Variants in MIS18A observed in about 807,000 individuals in gnomAD.
The protein encoded by MIS18A is protein Mis18-alpha.
A neutral mutation model predicts 25.0 loss-of-function variants in MIS18A; 14 were observed. The observed-to-expected ratio is 0.56, with a 90% CI of 0.37 to 0.88. The LOEUF is 0.88. MIS18A is among the 40% of genes least tolerant of loss of function. The pLI, the probability that MIS18A is intolerant of heterozygous loss-of-function variation, is 0.00. For missense variants in MIS18A, 292 were observed against 290.8 expected, an observed-to-expected ratio of 1.00 and a Z score of -0.03; for synonymous variants, 134 against 118.6, an observed-to-expected ratio of 1.13 and a Z score of -0.84.
chr21:32,174,478 C>A, the MIS18A span, among the ~76,000 whole-genome samples: 1 of 152,160 alleles, frequency 6.6e-6, no homozygotes. Context: ...CATATGTTTA[C>A]CTATGTAGCA....
chr21:32,269,531 T>C, intron 4 of MIS18A, 176 bp downstream of exon 4: 1 of 543,954 alleles, frequency 1.8e-6, no homozygotes, highest in East Asian at 3.1e-5. Flanking sequence ...TTTTGTTGAT[T>C]AAGCTTTAGC....
chr21:32,257,133 C>T, the MIS18A span, among the ~76,000 whole-genome samples: 4 of 152,156 alleles, frequency 2.6e-5, no homozygotes, highest in African/African-American at 7.2e-5. Flanking sequence ...ACTTAAGTTT[C>T]GACTGGTTAT....
chr21:32,188,583 G>A, the MIS18A span, among the ~76,000 whole-genome samples: 1 of 152,216 alleles, frequency 6.6e-6, no homozygotes, highest in Non-Finnish European at 1.5e-5. Context: ...TTCCCTTAGT[G>A]AATATTTGTT....
At position 32,278,969 on chromosome 21, in the gene MIS18A, C is replaced by T; in HGVS notation, c.46G>A (p.Gly16Ser). ...SLRCSRGCAG[G>S]CECGDKGKCS... ...TTGCCCTTGTCGCCGCACTCACAGC[C>T]GCCAGCGCATCCTCTGCTACACCTC... Residue 16 changes from glycine to serine, a missense_variant, in exon 1 of 5, where the codon GGC becomes AGC. Coordinates refer to ENST00000290130, the MANE Select transcript of MIS18A (RefSeq NM_018944.3). 6.2e-7 allele frequency: 1 copy of T among 1,611,934 alleles called. No individual in the cohort carries two copies. Among genetic ancestry groups the T allele is most frequent in the Non-Finnish European group, 8.5e-7 (1 of 1,179,948 alleles).
At chr21:32,217,921 C>T in the MIS18A span, among the ~76,000 whole-genome samples, 4 of 152,066 alleles carry the variant, frequency 2.6e-5, no homozygotes, top group Non-Finnish European at 4.4e-5. Flanking sequence ...AAGCTGGGTG[C>T]AGTGGCTCAC....
At chr21:32,242,778 G>A in the MIS18A span, among the ~76,000 whole-genome samples, 1 of 152,228 alleles carries the variant, frequency 6.6e-6, no homozygotes, top group Non-Finnish European at 1.5e-5. Flanking sequence ...GGACTCTGAT[G>A]GATGGACAGG....
chr21:32,163,997 G>C, the MIS18A span, among the ~76,000 whole-genome samples: 1 of 152,036 alleles, frequency 6.6e-6, no homozygotes, highest in Non-Finnish European at 1.5e-5. Context: ...GAGAAGAGGC[G>C]AGAGAGAGGA....
the MIS18A span, among the ~76,000 whole-genome samples, chr21:32,241,950 C>T: frequency 6.6e-6 from 1 of 152,208 alleles, no homozygotes; most frequent in Non-Finnish European, 1.5e-5. Flanking sequence ...GCCATCTCGG[C>T]TCACTGCAAG....
chr21:32,160,285 AACAC>A, the MIS18A span, among the ~76,000 whole-genome samples: 1,034 of 145,666 alleles, frequency 7.1e-3, 6 homozygotes, highest in Middle Eastern at 0.029. Flanking sequence ...ACACCTCTGC[AACAC>A]ACACACACAC....
chr21:32,243,255 C>A, the MIS18A span, among the ~76,000 whole-genome samples: 1 of 152,076 alleles, frequency 6.6e-6, no homozygotes, highest in Non-Finnish European at 1.5e-5. Flanking sequence ...TTATCAAAAT[C>A]AAAAACTTGC....
At chr21:32,193,379 G>A in the MIS18A span, among the ~76,000 whole-genome samples, 1 of 152,222 alleles carries the variant, frequency 6.6e-6, no homozygotes, top group Non-Finnish European at 1.5e-5. Flanking sequence ...AGTGGAAACA[G>A]AAACTCGCAC....
intron 4 of MIS18A, 27 bp from the exon 5 acceptor site, chr21:32,269,144 AAAG>A (rs2031667090): frequency 6.8e-7 from 1 of 1,461,612 alleles, no homozygotes; most frequent in African/African-American, 1.4e-5. Flanking sequence ...ATAAAAAAAT[AAAG>A]AAACACACAT....
the MIS18A span, among the ~76,000 whole-genome samples, chr21:32,173,955 GTTTTTTTTT>G: frequency 1.4e-3 from 127 of 92,618 alleles, 6 homozygotes; most frequent in African/African-American, 1.3e-4. Context: ...TACTTTTTAA[GTTTTTTTTT>G]TTTTTTTTTT....
downstream of MIS18A, among the ~76,000 whole-genome samples, chr21:32,264,038 C>T (rs2031553079): frequency 1.3e-5 from 2 of 152,000 alleles, no homozygotes; most frequent in Non-Finnish European, 2.9e-5. Context: ...AAATAAACCA[C>T]TAAAAAGTGT....
At chr21:32,186,493 C>T in the MIS18A span, among the ~76,000 whole-genome samples, 6 of 152,182 alleles carry the variant, frequency 3.9e-5, no homozygotes, top group African/African-American at 7.2e-5. Context: ...ACAGTGGGAA[C>T]GATCTCCAAA....
At chr21:32,209,155 G>GAAA in the MIS18A span, among the ~76,000 whole-genome samples, 74 of 148,258 alleles carry the variant, frequency 5.0e-4, no homozygotes, top group South Asian at 3.8e-3. Context: ...AATAAATTCT[G>GAAA]AAAAAAAAAA....
the MIS18A span, among the ~76,000 whole-genome samples, chr21:32,162,999 C>A: frequency 6.6e-5 from 10 of 152,304 alleles, no homozygotes; most frequent in African/African-American, 2.4e-4. Flanking sequence ...TCCAGCAGAG[C>A]CTCTTCTGTC....
chr21:32,205,271 A>G, the MIS18A span, among the ~76,000 whole-genome samples: 1 of 151,334 alleles, frequency 6.6e-6, no homozygotes, highest in Non-Finnish European at 1.5e-5. Context: ...CGCCCGGCTA[A>G]TTTTTTGTAT....
At chr21:32,265,261 A>C (rs1052709163), downstream of MIS18A, among the ~76,000 whole-genome samples, 3 of 152,140 alleles carry the variant, frequency 2.0e-5, no homozygotes, top group Non-Finnish European at 4.4e-5. Flanking sequence ...CCCCCACTGC[A>C]CTGTGGGAGC....
Sources: gnomAD v4.1 joint callset for allele counts (sites outside exome capture counted in the v4.1 genomes callset) on GRCh38, gnomAD v4.1.1 for gene constraint, MANE v1.5 for transcripts, NCBI Gene and HGNC (gene_info 2026-07-23, HGNC 2026-07-21) for gene names.